The following CDH12 variants were observed in gnomAD, a reference collection of about 807,000 sequenced individuals.
The protein encoded by CDH12 is cadherin-12.
Under a neutral mutation model 74.1 loss-of-function variants are expected in CDH12, and 41 were observed. The observed-to-expected ratio is 0.55, with a 90% confidence interval of 0.43 to 0.72. The LOEUF is 0.72. Ranked by LOEUF, CDH12 falls within the 30% of genes least tolerant of loss-of-function variation. CDH12 has a pLI of 0.00. For synonymous variants in CDH12, 399 were observed against 355.0 expected (o/e 1.12, Z -1.39); for missense variants, 945 against 977.2 (o/e 0.97, Z 0.44).
intron 4 of CDH12, among the ~76,000 whole-genome samples, chr5:22,186,916 T>G (rs1749984732): frequency 6.6e-6 from 1 of 152,126 alleles, no homozygotes; most frequent in East Asian, 1.9e-4. Context: ...ATAAGAAATA[T>G]TAATGAAAAA....
intron 1 of CDH12, among the ~76,000 whole-genome samples, chr5:22,661,901 T>G (rs1740368342): frequency 6.6e-6 from 1 of 152,060 alleles, no homozygotes; most frequent in Non-Finnish European, 1.5e-5. Context: ...AAATAAGAAA[T>G]AAGCATTTTT....
intron 3 of CDH12, among the ~76,000 whole-genome samples, chr5:22,239,100 A>C (rs981470478): frequency 1.3e-5 from 2 of 152,222 alleles, no homozygotes; most frequent in African/African-American, 4.8e-5. Flanking sequence ...TTAATTATGA[A>C]AATTAGTAAA....
At chr5:22,714,526 T>G (rs1455043745) in intron 1 of CDH12, among the ~76,000 whole-genome samples, 1 of 152,120 alleles carries the variant, frequency 6.6e-6, no homozygotes, top group East Asian at 1.9e-4. Context: ...AGGAGCCCAT[T>G]TAAGAAAACA....
chr5:21,857,973 C>CAG (rs370975450), intron 6 of CDH12, among the ~76,000 whole-genome samples: 104 of 148,918 alleles, frequency 7.0e-4, no homozygotes, highest in African/African-American at 1.9e-3. Flanking sequence ...GAGGCAGAGA[C>CAG]AGAGAGAGAG....
intron 5 of CDH12, among the ~76,000 whole-genome samples, chr5:22,060,211 C>T (rs553936552): frequency 4.6e-5 from 7 of 151,792 alleles, no homozygotes; most frequent in African/African-American, 1.7e-4. Flanking sequence ...AGCAAACTAA[C>T]ACAGGAGCAG....
intron 2 of CDH12, among the ~76,000 whole-genome samples, chr5:22,419,064 A>G (rs1312028750): frequency 6.6e-6 from 1 of 152,058 alleles, no homozygotes; most frequent in East Asian, 1.9e-4. Flanking sequence ...GTGATGGATT[A>G]CATTTATTGA....
Position 22,449,987 on chromosome 5 carries a change from T to C in CDH12, c.-427-44636A>G, listed in dbSNP as rs538826211. On this transcript the variant is annotated intron_variant, in intron 2 of 14. Coordinates refer to ENST00000382254, the MANE Select transcript of CDH12 (RefSeq NM_004061.5). Reference sequence around the variant, plus strand: ...TTAAATGTCTACAAAACTGCCTGATTATAAAACAATAAAATTACAATACTA... The same window carrying C: ...TTAAATGTCTACAAAACTGCCTGATCATAAAACAATAAAATTACAATACTA... Among the ~76,000 whole-genome samples, 12 of 152,122 alleles carry C rather than the reference T, an allele frequency of 7.9e-5. No individual in the cohort carries two copies. The East Asian group carries it at 2.3e-3, about 29-fold the overall frequency.
intron 12 of CDH12, among the ~76,000 whole-genome samples, chr5:21,761,876 T>A (rs1744747135): frequency 1.3e-5 from 2 of 152,156 alleles, no homozygotes; most frequent in Non-Finnish European, 1.5e-5. Flanking sequence ...AATTTTGATT[T>A]CTTGTCTTAG....
chr5:21,753,795 G>C (rs985808560), intron 14 of CDH12, among the ~76,000 whole-genome samples: 8 of 152,210 alleles, frequency 5.3e-5, no homozygotes, highest in African/African-American at 1.7e-4. Context: ...GGTAGTACAT[G>C]ATAAAGATGA....
intron 3 of CDH12, among the ~76,000 whole-genome samples, chr5:22,247,305 C>T (rs541890780): frequency 1.4e-4 from 3 of 21,778 alleles, no homozygotes; most frequent in East Asian, 1.6e-3. Context: ...GTTGCTCCAA[C>T]GTCAATGAAG....
chr5:22,732,202 G>A (rs1009767842), intron 1 of CDH12, among the ~76,000 whole-genome samples: 1 of 151,724 alleles, frequency 6.6e-6, no homozygotes, highest in African/African-American at 2.4e-5. Context: ...TTGGCTTATA[G>A]CTGCCAGTTT....
At chr5:21,928,970 C>T (rs2150078986) in intron 6 of CDH12, among the ~76,000 whole-genome samples, 1 of 152,062 alleles carries the variant, frequency 6.6e-6, no homozygotes, top group East Asian at 1.9e-4. Flanking sequence ...TTTGCTCTTC[C>T]ATAAATGACC....
At chr5:22,536,212 A>G (rs1737834672) in intron 1 of CDH12, among the ~76,000 whole-genome samples, 1 of 152,226 alleles carries the variant, frequency 6.6e-6, no homozygotes, top group Non-Finnish European at 1.5e-5. Flanking sequence ...ACTTCACCCC[A>G]TCACAACGTA....
intron 6 of CDH12, among the ~76,000 whole-genome samples, chr5:21,863,892 A>T (rs1451858331): frequency 6.6e-6 from 1 of 152,190 alleles, no homozygotes; most frequent in African/African-American, 2.4e-5. Context: ...GTAGCAAATC[A>T]GTTTCTTTTT....
intron 1 of CDH12, among the ~76,000 whole-genome samples, chr5:22,578,451 T>G (rs1490060183): frequency 6.6e-6 from 1 of 152,138 alleles, no homozygotes; most frequent in African/African-American, 2.4e-5. Context: ...TGCTTTTATG[T>G]TATAGCAATT....
chr5:22,713,117 G>C (rs948465830), intron 1 of CDH12, among the ~76,000 whole-genome samples: 4 of 136,594 alleles, frequency 2.9e-5, no homozygotes, highest in Non-Finnish European at 4.7e-5. Flanking sequence ...CTTTCCATAT[G>C]ATCTTATGCT....
chr5:22,469,289 A>G (rs1348514035), intron 2 of CDH12, among the ~76,000 whole-genome samples: 1 of 152,226 alleles, frequency 6.6e-6, no homozygotes. Context: ...GACTTAAACA[A>G]CAAATTTATT....
intron 1 of CDH12, among the ~76,000 whole-genome samples, chr5:22,510,547 A>G (rs956403940): frequency 1.3e-5 from 2 of 152,178 alleles, no homozygotes; most frequent in Non-Finnish European, 1.5e-5. Context: ...GGCAGCCACA[A>G]GGGATTGGTT....
chr5:22,228,663 T>C (rs1374248913), intron 3 of CDH12, among the ~76,000 whole-genome samples: 1 of 152,166 alleles, frequency 6.6e-6, no homozygotes, highest in Non-Finnish European at 1.5e-5. Flanking sequence ...TGAGGAATTC[T>C]GTTCTGCTCT....
Sources: gnomAD v4.1 joint callset for allele counts (sites outside exome capture counted in the v4.1 genomes callset) on GRCh38, gnomAD v4.1.1 for gene constraint, MANE v1.5 for transcripts, NCBI Gene and HGNC (gene_info 2026-07-23, HGNC 2026-07-21) for gene names.